NRG1: variants seen among roughly 807,000 people sequenced by gnomAD.
NRG1 encodes the protein neuregulin 1.
NRG1 carries 18 observed loss-of-function variants against 63.8 expected under a neutral mutation model. That is an observed-to-expected ratio of 0.28 (90% CI 0.19 to 0.42). The LOEUF is 0.42. Ranked by LOEUF, NRG1 falls within the 10% of genes least tolerant of loss-of-function variation. The pLI is 1.00. For synonymous variants in NRG1, 302 were observed against 301.3 expected (o/e 1.00, Z -0.02); for missense variants, 762 against 814.7 (o/e 0.94, Z 0.79).
chr8:32,144,146 CTG>C (rs1317075253), intron 1 of NRG1, among the ~76,000 whole-genome samples: 1 of 152,128 alleles, frequency 6.6e-6, no homozygotes, highest in Non-Finnish European at 1.5e-5. Context: ...CATCTGGAGA[CTG>C]AGAGAGACAA....
chr8:31,900,599 T>C (rs539562038), intron 1 of NRG1, among the ~76,000 whole-genome samples: 26 of 152,250 alleles, frequency 1.7e-4, no homozygotes, highest in Admixed American at 1.3e-4. Flanking sequence ...ATTGGACAGG[T>C]CATATAACAA....
intron 1 of NRG1, among the ~76,000 whole-genome samples, chr8:32,290,408 A>G (rs1854054489): frequency 6.6e-6 from 1 of 152,094 alleles, no homozygotes; most frequent in African/African-American, 2.4e-5. Flanking sequence ...GCTCAATCTT[A>G]TCAGAGCTGA....
At chr8:32,013,255 T>C (rs538703303) in intron 1 of NRG1, among the ~76,000 whole-genome samples, 1 of 152,094 alleles carries the variant, frequency 6.6e-6, no homozygotes, top group Admixed American at 6.6e-5. Flanking sequence ...GCAGACTGTA[T>C]CCAAGACTGG....
chr8:31,827,846 T>C (rs1331557711), intron 1 of NRG1, among the ~76,000 whole-genome samples: 2 of 152,214 alleles, frequency 1.3e-5, no homozygotes, highest in South Asian at 4.1e-4. Context: ...TAGGAATCTT[T>C]CTGTGTGCAG....
intron 1 of NRG1, among the ~76,000 whole-genome samples, chr8:32,441,034 C>CAAATTTGGCAGT (rs1252020991): frequency 6.6e-6 from 1 of 151,970 alleles, no homozygotes; most frequent in Non-Finnish European, 1.5e-5. Flanking sequence ...TAAATTCAGG[C>CAAATTTGGCAGT]AAATTTGGCA....
At chr8:32,312,401 C>T (rs1450907257) in intron 1 of NRG1, among the ~76,000 whole-genome samples, 6 of 142,784 alleles carry the variant, frequency 4.2e-5, no homozygotes, top group African/African-American at 8.1e-5. Flanking sequence ...TCTGAAACTC[C>T]GGACCTCAAG....
At chr8:31,850,539 C>T (rs1220233753) in intron 1 of NRG1, among the ~76,000 whole-genome samples, 1 of 152,138 alleles carries the variant, frequency 6.6e-6, no homozygotes, top group Non-Finnish European at 1.5e-5. Context: ...CTCTGTTCAG[C>T]CTTATTTATC....
intron 1 of NRG1, among the ~76,000 whole-genome samples, chr8:32,318,507 CT>C (rs1011500816): frequency 4.6e-5 from 7 of 152,272 alleles, no homozygotes; most frequent in Middle Eastern, 6.8e-3. Context: ...CTGTAACAGG[CT>C]GGTCCAAACA....
At chr8:32,466,003 T>C (rs1359002280) in intron 1 of NRG1, among the ~76,000 whole-genome samples, 1 of 152,198 alleles carries the variant, frequency 6.6e-6, no homozygotes, top group Non-Finnish European at 1.5e-5. Context: ...TCATTATTTT[T>C]CTTGATACTT....
intron 1 of NRG1, among the ~76,000 whole-genome samples, chr8:31,650,932 A>G (rs1804778585): frequency 6.6e-6 from 1 of 152,150 alleles, no homozygotes; most frequent in Non-Finnish European, 1.5e-5. Context: ...GTTTCCTAAT[A>G]TGCAAAACGA....
intron 1 of NRG1, among the ~76,000 whole-genome samples, chr8:32,092,474 A>AAAG (rs1829319767): frequency 6.6e-6 from 1 of 151,344 alleles, no homozygotes; most frequent in Admixed American, 6.6e-5. Flanking sequence ...AAAAAAAAAA[A>AAAG]AAAAAGAAAA....
In NRG1 at chr8:32,221,635, A is replaced by G. The variant is rs79473440; in HGVS notation, c.38-374193A>G. Among the ~76,000 whole-genome samples the G allele has an allele frequency of 6.8e-4, 103 of 152,294 alleles. No individual in the cohort carries two copies. In the East Asian group the frequency reaches 0.019, roughly 28 times the overall value. ...TAGTAAATTCATAGGGAATGAATTAATCTCCTTTTTGTTTTGTTTTCTCTG... is the reference window on the plus strand; with the variant it reads ...TAGTAAATTCATAGGGAATGAATTAGTCTCCTTTTTGTTTTGTTTTCTCTG... On this transcript the variant is annotated intron_variant, in intron 1 of 10. Coordinates refer to the NRG1 transcript ENST00000519301.
At chr8:32,474,377 C>T (rs1245008900) in intron 1 of NRG1, among the ~76,000 whole-genome samples, 1 of 152,134 alleles carries the variant, frequency 6.6e-6, no homozygotes, top group African/African-American at 2.4e-5. Flanking sequence ...ACAGCACACT[C>T]TCTCCCATGC....
At chr8:32,253,872 T>C (rs1322053470) in intron 1 of NRG1, among the ~76,000 whole-genome samples, 1 of 152,128 alleles carries the variant, frequency 6.6e-6, no homozygotes. Context: ...TCAGAACTTG[T>C]TATTGGTCTA....
At chr8:31,917,523 C>T (rs532127006) in intron 1 of NRG1, among the ~76,000 whole-genome samples, 4,933 of 151,108 alleles carry the variant, frequency 0.033, 250 homozygotes, top group African/African-American at 0.11. Flanking sequence ...TGTAGATATG[C>T]GGCGTTATTT....
At chr8:32,672,625 A>G (rs1263171442) in intron 5 of NRG1, among the ~76,000 whole-genome samples, 1 of 152,232 alleles carries the variant, frequency 6.6e-6, no homozygotes, top group East Asian at 1.9e-4. Flanking sequence ...TAATTTACAT[A>G]GGTACACAGA....
At chr8:31,900,919 T>G (rs1305675683) in intron 1 of NRG1, among the ~76,000 whole-genome samples, 3 of 152,218 alleles carry the variant, frequency 2.0e-5, no homozygotes, top group Non-Finnish European at 4.4e-5. Context: ...AGGTCACAGA[T>G]GTTTCTACTG....
chr8:32,749,595 A>G (rs765793607), intron 7 of NRG1: 1 of 1,613,322 alleles, frequency 6.2e-7, no homozygotes, highest in South Asian at 1.1e-5. Flanking sequence ...GTATGGACCA[A>G]TCATCATTCC....
chr8:32,260,024 A>G (rs1850188706), intron 1 of NRG1, among the ~76,000 whole-genome samples: 1 of 152,192 alleles, frequency 6.6e-6, no homozygotes, highest in Non-Finnish European at 1.5e-5. Flanking sequence ...GTTGTAACTC[A>G]TGTCATATTC....
Sources: gnomAD v4.1 joint callset for allele counts (sites outside exome capture counted in the v4.1 genomes callset) on GRCh38, gnomAD v4.1.1 for gene constraint, MANE v1.5 for transcripts, NCBI Gene and HGNC (gene_info 2026-07-23, HGNC 2026-07-21) for gene names.